Variants in JAM3 observed in about 807,000 individuals in gnomAD.
JAM3 encodes junctional adhesion molecule 3, also known as junctional adhesion molecule C.
JAM3 carries 31 observed loss-of-function variants against 39.4 expected under a neutral mutation model. The ratio of observed to expected loss-of-function variants is 0.79; its 90% CI spans 0.59 to 1.06. JAM3 has a LOEUF of 1.06. Ranked by LOEUF, JAM3 falls within the 50% of genes least tolerant of loss-of-function variation. The pLI is 0.00. For missense variants in JAM3, 455 were observed against 391.4 expected, an observed-to-expected ratio of 1.16 and a Z score of -1.37; for synonymous variants, 182 against 148.7, an observed-to-expected ratio of 1.22 and a Z score of -1.63.
At position 134,148,579 on chromosome 11, in the gene JAM3, G is replaced by C. The variant is rs374187365; in HGVS notation, c.745G>C (p.Val249Leu). The C allele has an allele frequency of 1.1e-5, 18 of 1,614,020 alleles. No homozygotes were observed. Among genetic ancestry groups the C allele is most frequent in the Non-Finnish European group, 1.3e-5 (15 of 1,180,034 alleles). The change falls in exon 7 of 9, where the codon GTT (valine) becomes CTT (leucine). Residue 249 changes from valine to leucine, a missense_variant. Coordinates refer to ENST00000299106, the MANE Select transcript of JAM3 (RefSeq NM_032801.5). The stretch of plus-strand genomic sequence containing the variant: ...GAACATTGGCGGAATTATTGGGGGG[G>C]TTCTGGTTGTCCTTGCTGTACTGGC... ...DLNIGGIIGG[V>L]LVVLAVLALI...
intron 1 of JAM3, among the ~76,000 whole-genome samples, chr11:134,117,431 T>C (rs1942457419): frequency 6.6e-6 from 1 of 152,110 alleles, no homozygotes; most frequent in Non-Finnish European, 1.5e-5. Context: ...GCTGTCTTGA[T>C]GTCTTCCCTT....
intron 1 of JAM3, among the ~76,000 whole-genome samples, chr11:134,113,828 G>A (rs866392059): frequency 1.8e-4 from 27 of 152,276 alleles, no homozygotes; most frequent in Middle Eastern, 3.4e-3. Context: ...AAGTGTTCCT[G>A]TTTCTCCACA....
intron 1 of JAM3, among the ~76,000 whole-genome samples, chr11:134,083,629 C>T (rs1941701655): frequency 6.6e-6 from 1 of 151,996 alleles, no homozygotes; most frequent in Non-Finnish European, 1.5e-5. Flanking sequence ...TGTCATTATT[C>T]TAATGTGTGA....
At chr11:134,121,523 G>T (rs1310532579) in intron 1 of JAM3, among the ~76,000 whole-genome samples, 2 of 151,864 alleles carry the variant, frequency 1.3e-5, no homozygotes, top group Non-Finnish European at 2.9e-5. Context: ...TCTTTAAAAG[G>T]GTTCAGGGTT....
intron 1 of JAM3, among the ~76,000 whole-genome samples, chr11:134,070,482 G>C (rs571319028): frequency 4.6e-5 from 7 of 152,226 alleles, no homozygotes; most frequent in Admixed American, 6.5e-5. Context: ...TGTGACAAAA[G>C]ATGAGTTTTA....
intron 1 of JAM3, among the ~76,000 whole-genome samples, chr11:134,123,623 CTCTTT>C (rs1320559743): frequency 2.0e-5 from 3 of 152,308 alleles, no homozygotes; most frequent in South Asian, 2.1e-4. Flanking sequence ...TTTTCTCTTT[CTCTTT>C]TCTTAAACAT....
chr11:134,080,302 T>G (rs991161417), intron 1 of JAM3, among the ~76,000 whole-genome samples: 1 of 152,214 alleles, frequency 6.6e-6, no homozygotes, highest in Admixed American at 6.5e-5. Flanking sequence ...GTAACGTCAG[T>G]GAAATAGCTT....
chr11:134,143,100 G>T (rs1242708194), intron 3 of JAM3, among the ~76,000 whole-genome samples: 1 of 151,998 alleles, frequency 6.6e-6, no homozygotes, highest in Non-Finnish European at 1.5e-5. Flanking sequence ...CATTTCTCTG[G>T]GATAAATGAC....
At chr11:134,097,780 A>G (rs1942008564) in intron 1 of JAM3, among the ~76,000 whole-genome samples, 1 of 151,998 alleles carries the variant, frequency 6.6e-6, no homozygotes, top group Non-Finnish European at 1.5e-5. Context: ...TATAAATTCT[A>G]CAGATCATGG....
At chr11:134,113,543 T>C (rs1942360925) in intron 1 of JAM3, among the ~76,000 whole-genome samples, 1 of 152,220 alleles carries the variant, frequency 6.6e-6, no homozygotes, top group Non-Finnish European at 1.5e-5. Context: ...TATGGCTGCA[T>C]AGTATTCCAT....
intron 1 of JAM3, among the ~76,000 whole-genome samples, chr11:134,075,773 T>C (rs892000556): frequency 1.3e-5 from 2 of 152,216 alleles, no homozygotes; most frequent in African/African-American, 4.8e-5. Flanking sequence ...GTGGTTTGTA[T>C]ACCTGTGAGT....
chr11:134,120,449 C>T (rs1342185882), intron 1 of JAM3, among the ~76,000 whole-genome samples: 2 of 152,208 alleles, frequency 1.3e-5, no homozygotes, highest in Non-Finnish European at 2.9e-5. Flanking sequence ...AAAAGAACTT[C>T]TTTTCCTTCT....
At chr11:134,099,940 CT>C (rs1236294751) in intron 1 of JAM3, among the ~76,000 whole-genome samples, 4 of 152,128 alleles carry the variant, frequency 2.6e-5, no homozygotes, top group African/African-American at 9.7e-5. Flanking sequence ...TCATTTTCTG[CT>C]TTGCTCAGTG....
intron 1 of JAM3, among the ~76,000 whole-genome samples, chr11:134,092,797 T>C (rs1243241855): frequency 5.6e-5 from 7 of 124,850 alleles, no homozygotes; most frequent in East Asian, 2.9e-4. Context: ...TCATGTTCCA[T>C]CTTACATGTC....
rs141090713 is a variant in JAM3, at chr11:134,125,509, T to C, written c.77-14342T>C. 4.3e-3 allele frequency among the ~76,000 whole-genome samples: 662 copies of C among 152,342 alleles called. 11 individuals are homozygous for C. The highest frequency in any genetic ancestry group is 0.02 in the Admixed American group (306 of 15,304). On this transcript the variant is annotated intron_variant, in intron 1 of 8. Transcript: ENST00000299106. The stretch of plus-strand genomic sequence containing the variant: ...TATTTCTTCTTATAAGATTATACAA[T>C]AAAGCAAGAAGTAGGGAGTAAGAGG...
intron 1 of JAM3, among the ~76,000 whole-genome samples, chr11:134,116,782 A>C (rs530235793): frequency 6.6e-6 from 1 of 152,074 alleles, no homozygotes; most frequent in Non-Finnish European, 1.5e-5. Flanking sequence ...ATTTATATCC[A>C]CGTATACACA....
At chr11:134,135,498 A>AT (rs1233401081) in intron 1 of JAM3, among the ~76,000 whole-genome samples, 29 of 151,966 alleles carry the variant, frequency 1.9e-4, no homozygotes, top group African/African-American at 7.0e-4. Flanking sequence ...TAATCCTAAA[A>AT]TGTTAGCTCC....
intron 3 of JAM3, among the ~76,000 whole-genome samples, chr11:134,142,154 CT>C (rs1340310291): frequency 6.6e-6 from 1 of 152,128 alleles, no homozygotes; most frequent in Non-Finnish European, 1.5e-5. Context: ...CTTTAAAGAA[CT>C]TTCCTTTTCT....
At chr11:134,074,793 G>A (rs1338674509) in intron 1 of JAM3, among the ~76,000 whole-genome samples, 1 of 152,054 alleles carries the variant, frequency 6.6e-6, no homozygotes, top group Non-Finnish European at 1.5e-5. Flanking sequence ...GGGTGAAATT[G>A]ACTTCTGTTG....
Sources: allele counts gnomAD v4.1 joint callset (sites outside exome capture counted in the v4.1 genomes callset), GRCh38; gene constraint gnomAD v4.1.1; transcripts MANE v1.5; gene names NCBI Gene and HGNC (gene_info 2026-07-23, HGNC 2026-07-21).